OTUD7A: variants seen among roughly 807,000 people sequenced by gnomAD.
OTUD7A encodes OTU deubiquitinase 7A.
In OTUD7A, 12 loss-of-function variants were observed where a neutral mutation model predicts 65.7. The ratio of observed to expected loss-of-function variants is 0.18; its 90% confidence interval spans 0.12 to 0.30. The LOEUF (loss-of-function observed/expected upper bound fraction) is 0.30, where lower values mean the gene tolerates loss of function less well. OTUD7A is among the 10% of genes least tolerant of loss of function. OTUD7A has a pLI of 1.00. For missense variants in OTUD7A, 1,148 were observed against 1,304.8 expected (o/e 0.88, Z 1.85); for synonymous variants, 641 against 586.3 (o/e 1.09, Z -1.35).
chr15:31,783,798 C>T (rs73380506), intron 1 of OTUD7A, among the ~76,000 whole-genome samples: 1 of 152,170 alleles, frequency 6.6e-6, no homozygotes, highest in Non-Finnish European at 1.5e-5. Context: ...GAAAGAATAA[C>T]TGAAAACGAT....
intron 1 of OTUD7A, among the ~76,000 whole-genome samples, chr15:31,662,210 C>A (rs1439823979): frequency 1.3e-5 from 2 of 152,158 alleles, no homozygotes; most frequent in Non-Finnish European, 2.9e-5. Context: ...TTTATTCATT[C>A]TTTATTTATT....
chr15:31,610,078 T>C (rs1890355483), intron 3 of OTUD7A, among the ~76,000 whole-genome samples: 1 of 151,940 alleles, frequency 6.6e-6, no homozygotes, highest in Non-Finnish European at 1.5e-5. Context: ...ACCTTCCCTC[T>C]GACAGAGCCT....
At chr15:31,617,304 T>C (rs985234290) in intron 3 of OTUD7A, among the ~76,000 whole-genome samples, 2 of 152,068 alleles carry the variant, frequency 1.3e-5, no homozygotes, top group Non-Finnish European at 2.9e-5. Context: ...CTGACCAACA[T>C]GGTGAAACCC....
intron 1 of OTUD7A, among the ~76,000 whole-genome samples, chr15:31,687,390 C>G (rs1044848753): frequency 1.3e-5 from 2 of 152,216 alleles, no homozygotes; most frequent in Non-Finnish European, 2.9e-5. Flanking sequence ...AGCATTTTTG[C>G]TAAAGGTCTT....
At chr15:31,816,462 G>A (rs1350495332) in intron 1 of OTUD7A, among the ~76,000 whole-genome samples, 3 of 152,010 alleles carry the variant, frequency 2.0e-5, no homozygotes, top group African/African-American at 4.8e-5. Flanking sequence ...AGGCTGAGGC[G>A]GGCAGATCAC....
intron 1 of OTUD7A, among the ~76,000 whole-genome samples, chr15:31,839,959 TTTG>T (rs897796838): frequency 4.6e-5 from 7 of 151,566 alleles, no homozygotes; most frequent in African/African-American, 1.7e-4. Context: ...AAAACTTTTT[TTTG>T]TTTATGTTAT....
At chr15:31,573,433 T>C (rs1889112176) in intron 3 of OTUD7A, among the ~76,000 whole-genome samples, 1 of 152,226 alleles carries the variant, frequency 6.6e-6, no homozygotes, top group Non-Finnish European at 1.5e-5. Context: ...AGTAAGTTTA[T>C]TTAACTGCAC....
At chr15:31,617,976 T>A (rs1359204076) in intron 3 of OTUD7A, among the ~76,000 whole-genome samples, 1 of 148,830 alleles carries the variant, frequency 6.7e-6, no homozygotes, top group Non-Finnish European at 1.5e-5. Context: ...CCCCTTCCTG[T>A]GTCCAAGTGT....
At chr15:31,789,164 A>G (rs1044013349) in intron 1 of OTUD7A, among the ~76,000 whole-genome samples, 1 of 152,190 alleles carries the variant, frequency 6.6e-6, no homozygotes, top group Non-Finnish European at 1.5e-5. Context: ...AATGTCTTCT[A>G]GCAGCCACTC....
intron 1 of OTUD7A, among the ~76,000 whole-genome samples, chr15:31,761,509 A>C (rs1179407457): frequency 1.3e-5 from 2 of 152,196 alleles, no homozygotes; most frequent in African/African-American, 4.8e-5. Context: ...TATAATAAGA[A>C]AGACAAACAA....
At chr15:31,568,083 C>T (rs1201832028) in intron 4 of OTUD7A, among the ~76,000 whole-genome samples, 2 of 152,248 alleles carry the variant, frequency 1.3e-5, no homozygotes, top group East Asian at 3.8e-4. Context: ...CATGGGGGCA[C>T]TGCCTAGTAA....
intron 1 of OTUD7A, among the ~76,000 whole-genome samples, chr15:31,826,443 C>T (rs899229622): frequency 8.5e-5 from 13 of 152,218 alleles, no homozygotes; most frequent in Admixed American, 8.5e-4. Context: ...CACCAAGTCG[C>T]TAGGCTGGAC....
At chr15:31,574,636 A>C (rs539160142) in intron 3 of OTUD7A, among the ~76,000 whole-genome samples, 1 of 152,358 alleles carries the variant, frequency 6.6e-6, no homozygotes, top group Admixed American at 6.5e-5. Context: ...AAAACTGTTC[A>C]ATTGGCAATG....
At chr15:31,725,460 C>T (rs1454454594) in intron 1 of OTUD7A, among the ~76,000 whole-genome samples, 8 of 152,180 alleles carry the variant, frequency 5.3e-5, no homozygotes, top group Non-Finnish European at 1.2e-4. Flanking sequence ...TTCAAAGAGA[C>T]CACTGGGCAT....
chr15:31,753,723 A>G (rs78534081), intron 1 of OTUD7A, among the ~76,000 whole-genome samples: 1 of 83,844 alleles, frequency 1.2e-5, no homozygotes, highest in African/African-American at 5.7e-5. Flanking sequence ...TATATATATT[A>G]TATATATATA....
intron 1 of OTUD7A, among the ~76,000 whole-genome samples, chr15:31,793,368 T>G (rs952883129): frequency 2.4e-4 from 36 of 152,200 alleles, no homozygotes; most frequent in African/African-American, 8.4e-4. Context: ...TCCTGCAGCC[T>G]CCATGGCTTC....
intron 3 of OTUD7A, among the ~76,000 whole-genome samples, chr15:31,593,067 G>A (rs1361818914): frequency 6.6e-6 from 1 of 150,868 alleles, no homozygotes; most frequent in East Asian, 1.9e-4. Flanking sequence ...CAAGTATTAT[G>A]TACTGTACAT....
intron 8 of OTUD7A, among the ~76,000 whole-genome samples, chr15:31,512,108 C>T (rs1323036640): frequency 6.6e-6 from 1 of 152,200 alleles, no homozygotes; most frequent in Non-Finnish European, 1.5e-5. Flanking sequence ...TTTACTGCCC[C>T]GCAGCTTTTT....
intron 1 of OTUD7A, among the ~76,000 whole-genome samples, chr15:31,772,623 G>T (rs1384796007): frequency 6.6e-6 from 1 of 152,196 alleles, no homozygotes; most frequent in Non-Finnish European, 1.5e-5. Flanking sequence ...CCATACACTA[G>T]GACATTTGAA....
Sources: allele counts gnomAD v4.1 joint callset (sites outside exome capture counted in the v4.1 genomes callset), GRCh38; gene constraint gnomAD v4.1.1; transcripts MANE v1.5; gene names NCBI Gene and HGNC (gene_info 2026-07-23, HGNC 2026-07-21).